PRMT9: variants seen among roughly 807,000 people sequenced by gnomAD.
PRMT9 encodes the protein protein arginine methyltransferase 9.
A neutral mutation model predicts 83.2 loss-of-function variants in PRMT9; 59 were observed. The observed-to-expected ratio is 0.71, with a 90% CI of 0.57 to 0.88. PRMT9 has a LOEUF of 0.88. Ranked by LOEUF, PRMT9 falls within the 40% of genes least tolerant of loss-of-function variation. The probability of loss-of-function intolerance (pLI) is 0.00; values close to 1 mark genes in which losing one functional copy is unlikely to be tolerated. For synonymous variants in PRMT9, 333 were observed against 353.2 expected (o/e 0.94, Z 0.64); for missense variants, 947 against 1,021.9 (o/e 0.93, Z 1.00).
Position 147,654,280 on chromosome 4 carries a change from C to T in PRMT9, c.1617G>A (p.Met539Ile), listed in dbSNP as rs1325802729. The change falls in exon 9 of 12, where the codon ATG becomes ATA. Residue 539 changes from methionine to isoleucine, a missense_variant. Coordinates refer to ENST00000322396, the MANE Select transcript of PRMT9 (RefSeq NM_138364.4). ...GTGAAGACAAAACTTTGCTCATTGCCATTTTAAAGCCTTCATGATATGGGA... is the reference window on the plus strand; with the variant it reads ...GTGAAGACAAAACTTTGCTCATTGCTATTTTAAAGCCTTCATGATATGGGA... Reference protein sequence around the residue: ...NNIPYHEGFKMAMSKVLSSLT... With the variant: ...NNIPYHEGFKIAMSKVLSSLT... 4 of 1,614,048 alleles carry T rather than the reference C, an allele frequency of 2.5e-6. No homozygotes were observed. Among genetic ancestry groups the T allele is most frequent in the Non-Finnish European group, 3.4e-6 (4 of 1,180,032 alleles).
At position 147,657,793 on chromosome 4, in the gene PRMT9, T is replaced by TG. The variant is rs1343103679; in HGVS notation, c.1328dup (p.Asp444ArgfsTer27). The TG allele has an allele frequency of 3.1e-6, 5 of 1,611,120 alleles. No individual in the cohort carries two copies. Among genetic ancestry groups the TG allele is most frequent in the Admixed American group, 1.7e-5 (1 of 59,750 alleles). On this transcript the variant is annotated frameshift_variant and splice_region_variant, in exon 8 of 12. Transcript: ENST00000322396. LOFTEE classifies it high-confidence loss of function. ...AAAAAAAAAATGGACAAGACCTACC[T>TG]GCAAGGTCCTGTACGGGGTAGACAG...
chr4:147,645,690 A>G (rs1178156297), intron 9 of PRMT9, among the ~76,000 whole-genome samples: 1 of 152,178 alleles, frequency 6.6e-6, no homozygotes, highest in Non-Finnish European at 1.5e-5. Flanking sequence ...AATACATTTG[A>G]GGAAAAGTTA....
intron 10 of PRMT9, among the ~76,000 whole-genome samples, chr4:147,642,082 A>G (rs1353482492): frequency 1.3e-5 from 2 of 152,172 alleles, no homozygotes; most frequent in Non-Finnish European, 2.9e-5. Flanking sequence ...GAATCTGAGC[A>G]TTAGCTGCTG....
chr4:147,675,141 C>T (rs763067726), intron 2 of PRMT9, among the ~76,000 whole-genome samples: 6 of 152,060 alleles, frequency 3.9e-5, no homozygotes, highest in Non-Finnish European at 5.9e-5. Context: ...CCACCACGTC[C>T]GGCTAATTTT....
Position 147,665,382 on chromosome 4 carries a change from T to C in PRMT9, c.953+3157A>G, listed in dbSNP as rs150773926. Reference sequence around the variant, plus strand: ...ATCCCCATTTATGTATTTATTAATCTGCTTAAGATACATAGAAATTCAGGG... The same window carrying C: ...ATCCCCATTTATGTATTTATTAATCCGCTTAAGATACATAGAAATTCAGGG... On this transcript the variant is annotated intron_variant, in intron 6 of 11. Transcript: ENST00000322396. 5.2e-3 allele frequency among the ~76,000 whole-genome samples: 785 copies of C among 152,340 alleles called. 3 individuals carry two copies. The highest frequency in any genetic ancestry group is 0.017 in the Middle Eastern group (5 of 294).
chr4:147,643,617 T>G (rs567290815), intron 9 of PRMT9, among the ~76,000 whole-genome samples: 53 of 152,334 alleles, frequency 3.5e-4, no homozygotes, highest in African/African-American at 1.3e-3. Flanking sequence ...CAAAAATGAC[T>G]TATCACAAAG....
intron 1 of PRMT9, among the ~76,000 whole-genome samples, chr4:147,681,191 C>T (rs1209414382): frequency 6.6e-6 from 1 of 152,204 alleles, no homozygotes; most frequent in Non-Finnish European, 1.5e-5. Context: ...ACTCCACATA[C>T]ACTGTTTCAA....
chr4:147,653,438 G>A (rs1314144991), intron 9 of PRMT9, among the ~76,000 whole-genome samples: 6 of 117,380 alleles, frequency 5.1e-5, no homozygotes, highest in African/African-American at 1.7e-4. Context: ...GCGAAACTCC[G>A]TCTTAAAAAA....
chr4:147,650,297 C>CT (rs1203822412), intron 9 of PRMT9, among the ~76,000 whole-genome samples: 2 of 152,110 alleles, frequency 1.3e-5, no homozygotes, highest in African/African-American at 4.8e-5. Context: ...CAACAAAAAC[C>CT]TGTTACAACT....
At chr4:147,658,614 A>C (rs1734706417) in intron 7 of PRMT9, among the ~76,000 whole-genome samples, 1 of 152,204 alleles carries the variant, frequency 6.6e-6, no homozygotes, top group African/African-American at 2.4e-5. Flanking sequence ...AAATAATAAA[A>C]GGATAGTTCG....
chr4:147,640,061 CTTTTTTTTT>C (rs1185905675), intron 10 of PRMT9, among the ~76,000 whole-genome samples: 3 of 35,096 alleles, frequency 8.5e-5, no homozygotes, highest in Admixed American at 3.6e-4. Flanking sequence ...CCACTCCTGT[CTTTTTTTTT>C]TTTTTTTTTT....
At chr4:147,644,539 T>TTAA (rs375904729) in intron 9 of PRMT9, among the ~76,000 whole-genome samples, 24 of 111,890 alleles carry the variant, frequency 2.1e-4, no homozygotes, top group East Asian at 8.1e-4. Context: ...TGCTTATGGT[T>TTAA]AAAAAAAAAA....
chr4:147,656,226 T>C (rs1431606996), intron 8 of PRMT9, among the ~76,000 whole-genome samples: 1 of 152,164 alleles, frequency 6.6e-6, no homozygotes, highest in African/African-American at 2.4e-5. Flanking sequence ...AATTAGATCC[T>C]TGATTAAGAA....
In PRMT9 at chr4:147,654,150, A is replaced by T. The variant is rs746446242; in HGVS notation, c.1747T>A (p.Tyr583Asn). Residue 583 changes from tyrosine to asparagine, a missense_variant, in exon 9 of 12, where the codon TAC becomes AAC. Coordinates refer to ENST00000322396, the MANE Select transcript of PRMT9 (RefSeq NM_138364.4). ...NTVQNILEPF[Y>N]VLDVSEGFSV... ...AAGCCTTCGGACACATCTAACACGT[A>T]GAAAGGTTCAAGGATGTTCTGTACA... 1.2e-6 allele frequency: 2 copies of T among 1,614,258 alleles called. No individual in the cohort carries two copies. Among genetic ancestry groups the T allele is most frequent in the South Asian group, 1.1e-5 (1 of 91,092 alleles).
rs1416514885 is a variant in PRMT9 at position 147,654,519 on chromosome 4, G to A, written c.1378C>T (p.Gln460Ter). 6.2e-7 allele frequency: 1 copy of A among 1,613,674 alleles called. No homozygotes were observed. The highest frequency in any genetic ancestry group is 2.2e-5 in the East Asian group (1 of 44,868). ...CTCTGGATTCTTAAGTAACAGTCTT[G>A]ACAAGATACTTCCATCATCACATGG... ...GDHVMMEVSC[Q>*]DCYLRIQSIS... The change falls in exon 9 of 12, where the codon CAA becomes TAA. Residue 460 changes from glutamine (Q) to a stop codon, truncating the protein, a stop_gained. Transcript: ENST00000322396. LOFTEE classifies it high-confidence loss of function.
At chr4:147,677,512 C>T (rs749691739) in intron 2 of PRMT9, among the ~76,000 whole-genome samples, 68 of 133,874 alleles carry the variant, frequency 5.1e-4, no homozygotes, top group Non-Finnish European at 1.1e-4. Context: ...GGAGTGCAGT[C>T]GCGCAATTTT....
intron 2 of PRMT9, among the ~76,000 whole-genome samples, chr4:147,676,914 T>C (rs1005291277): frequency 6.6e-6 from 1 of 151,796 alleles, no homozygotes; most frequent in Admixed American, 6.6e-5. Context: ...CGTGGTGGCA[T>C]GTGCCTGTAA....
At chr4:147,662,918 T>C (rs1245094649) in intron 6 of PRMT9, among the ~76,000 whole-genome samples, 31 of 152,186 alleles carry the variant, frequency 2.0e-4, no homozygotes, top group Admixed American at 2.0e-3. Context: ...TTAAGAGAAT[T>C]TGCCTTTATA....
chr4:147,642,952 A>C lies in PRMT9; in HGVS notation c.2046-12T>G. 1 of 1,613,458 alleles carries C rather than the reference A, an allele frequency of 6.2e-7. No individual in the cohort carries two copies. Among genetic ancestry groups the C allele is most frequent in the Non-Finnish European group, 8.5e-7 (1 of 1,179,490 alleles). ...ATTGTAGTAAACACCTAAGAAAAAA[A>C]GTACATATTTTAAAAAGCTCTTGGG... On this transcript the variant is annotated splice_polypyrimidine_tract_variant and intron_variant, in intron 9 of 11. Transcript: ENST00000322396.
Sources: gnomAD v4.1 joint callset for allele counts (sites outside exome capture counted in the v4.1 genomes callset) on GRCh38, gnomAD v4.1.1 for gene constraint, MANE v1.5 for transcripts, NCBI Gene and HGNC (gene_info 2026-07-23, HGNC 2026-07-21) for gene names.